Variants in FAM20C observed in about 807,000 individuals in gnomAD.
The protein encoded by FAM20C is FAM20C golgi associated secretory pathway kinase.
In FAM20C, 40 loss-of-function variants were observed where a neutral mutation model predicts 51.5. The ratio of observed to expected loss-of-function variants is 0.78; its 90% CI spans 0.60 to 1.01. The LOEUF (loss-of-function observed/expected upper bound fraction) is 1.01. Among genes scored for constraint, FAM20C ranks in the 50% least tolerant of loss-of-function variants. The pLI, the probability that FAM20C is intolerant of heterozygous loss-of-function variation, is 0.00. For missense variants in FAM20C, 861 were observed against 844.7 expected (o/e 1.02, Z -0.24); for synonymous variants, 406 against 380.6 (o/e 1.07, Z -0.78).
At chr7:223,670 G>T (rs1401312182) in intron 3 of FAM20C, among the ~76,000 whole-genome samples, 1 of 152,226 alleles carries the variant, frequency 6.6e-6, no homozygotes, top group Non-Finnish European at 1.5e-5. Flanking sequence ...GGGTCAGCCT[G>T]CAGCTGCAGT....
chr7:202,171 C>T (rs1376513984), intron 2 of FAM20C, among the ~76,000 whole-genome samples: 4 of 152,216 alleles, frequency 2.6e-5, no homozygotes, highest in Non-Finnish European at 5.9e-5. Context: ...AGGCAGTGGA[C>T]ATCTTCCCAT....
chr7:241,477 G>C (rs1000110256), intron 3 of FAM20C, among the ~76,000 whole-genome samples: 3 of 152,154 alleles, frequency 2.0e-5, no homozygotes, highest in African/African-American at 7.2e-5. Context: ...CTGCAAGGCT[G>C]TGCCAGGGAA....
chr7:213,821 G>A (rs1457033171), intron 3 of FAM20C, among the ~76,000 whole-genome samples: 12 of 152,172 alleles, frequency 7.9e-5, no homozygotes, highest in African/African-American at 1.9e-4. Flanking sequence ...CCTCGTCAGC[G>A]TGTGCTGTTG....
chr7:205,495 C>T (rs1786335658), intron 2 of FAM20C, among the ~76,000 whole-genome samples: 1 of 152,232 alleles, frequency 6.6e-6, no homozygotes, highest in Middle Eastern at 3.2e-3. Context: ...CTGCCTCAGC[C>T]TCCAAAAGTG....
At chr7:205,813 G>A (rs1786353242) in intron 2 of FAM20C, among the ~76,000 whole-genome samples, 1 of 151,960 alleles carries the variant, frequency 6.6e-6, no homozygotes, top group South Asian at 2.1e-4. Context: ...GTGTCCTCGG[G>A]AAGCATCCAC....
intron 3 of FAM20C, among the ~76,000 whole-genome samples, chr7:215,265 T>TGGGGCTGGGTGGGG (rs1786910800): frequency 1.1e-5 from 1 of 92,098 alleles, no homozygotes; most frequent in Non-Finnish European, 2.3e-5. Flanking sequence ...ATGGAGAGGA[T>TGGGGCTGGGTGGGG]GGAGCTGGGT....
intron 3 of FAM20C, among the ~76,000 whole-genome samples, chr7:213,488 G>T (rs992334314): frequency 6.6e-6 from 1 of 152,232 alleles, no homozygotes; most frequent in Non-Finnish European, 1.5e-5. Flanking sequence ...AACGCTCATC[G>T]GTGCTGCAGC....
At chr7:212,080 TTTC>T (rs1786746355) in intron 3 of FAM20C, among the ~76,000 whole-genome samples, 1 of 152,172 alleles carries the variant, frequency 6.6e-6, no homozygotes, top group Admixed American at 6.5e-5. Flanking sequence ...GGGATGATCG[TTTC>T]TTCTTCCGCA....
intron 3 of FAM20C, among the ~76,000 whole-genome samples, chr7:244,871 C>T (rs145752033): frequency 0.075 from 11,360 of 152,258 alleles, 781 homozygotes; most frequent in African/African-American, 0.19. Flanking sequence ...TTAAAAAGGC[C>T]GTGGGTGGTA....
At chr7:228,761 G>A (rs1206781967) in intron 3 of FAM20C, 1 of 456,142 alleles carries the variant, frequency 2.2e-6, no homozygotes, top group African/African-American at 2.0e-5. Flanking sequence ...TGACCTGACT[G>A]AACAGACGCC....
intron 9 of FAM20C, 79 bp from the exon 10 acceptor site, chr7:259,652 C>G (rs1006563632): frequency 2.2e-6 from 3 of 1,363,134 alleles, no homozygotes; most frequent in Non-Finnish European, 2.8e-6. Flanking sequence ...TCTCGATCTC[C>G]CTCTCACTTT....
chr7:252,479 C>T (rs751911749), intron 5 of FAM20C, among the ~76,000 whole-genome samples: 6 of 150,970 alleles, frequency 4.0e-5, no homozygotes, highest in East Asian at 2.0e-4. Context: ...GACACCCCCT[C>T]GGCCTCCCAA....
intron 6 of FAM20C, 131 bp from the exon 7 acceptor site, chr7:256,522 GC>G (rs1448284166): frequency 1.1e-5 from 8 of 717,254 alleles, no homozygotes; most frequent in Non-Finnish European, 1.9e-5. Context: ...CAGCCTCAGC[GC>G]CGCAGCCCGG....
At chr7:195,938 C>T (rs1785845755) in intron 2 of FAM20C, among the ~76,000 whole-genome samples, 1 of 152,214 alleles carries the variant, frequency 6.6e-6, no homozygotes, top group Admixed American at 6.5e-5. Flanking sequence ...TCCTGATCTG[C>T]CGCACGATGA....
At chr7:235,017 G>A (rs966088156) in intron 3 of FAM20C, among the ~76,000 whole-genome samples, 8 of 152,326 alleles carry the variant, frequency 5.3e-5, no homozygotes, top group African/African-American at 1.4e-4. Flanking sequence ...AATGGGCCCC[G>A]GGCCACTTGC....
At chr7:247,630 C>A (rs954881304) in intron 4 of FAM20C, among the ~76,000 whole-genome samples, 1 of 152,218 alleles carries the variant, frequency 6.6e-6, no homozygotes, top group African/African-American at 2.4e-5. Context: ...GATTTTCCAC[C>A]ATTTCAGCTA....
At position 193,590 on chromosome 7, in the gene FAM20C, C is replaced by A; in HGVS notation, c.391C>A (p.Pro131Thr). 6.5e-7 allele frequency: 1 copy of A among 1,535,928 alleles called. No homozygotes were observed. Residue 131 changes from proline to threonine, a missense_variant, in exon 1 of 10, where the codon CCC becomes ACC. Around this residue, in one of 3 missense-constraint regions of FAM20C, gnomAD observed 561 missense variants for 499.8 expected, o/e 1.12. Coordinates refer to ENST00000313766, the MANE Select transcript of FAM20C (RefSeq NM_020223.4). ...GGGGCGGGATCCCGGCGCCCTAAGA[C>A]CCCACGACCCCGCGCACCGGCCGCT... is the stretch of plus-strand genomic sequence containing the variant. ...LRGRDPGALR[P>T]HDPAHRPLLR...
In FAM20C at chr7:259,845, G is replaced by C; in HGVS notation, c.1620G>C (p.Gln540His). The C allele has an allele frequency of 6.5e-7, 1 of 1,536,500 alleles. No homozygotes were observed. Among genetic ancestry groups the C allele is most frequent in the South Asian group, 1.2e-5 (1 of 84,048 alleles). ...RGDQVAPVLY[Q>H]PHLEALDRRL... Reference sequence around the variant, plus strand: ...ACCAGGTGGCACCCGTGCTGTACCAGCCGCACCTGGAGGCCCTGGACCGGC... The same window carrying C: ...ACCAGGTGGCACCCGTGCTGTACCACCCGCACCTGGAGGCCCTGGACCGGC... The change falls in exon 10 of 10, where the codon CAG becomes CAC. Residue 540 changes from glutamine (Q) to histidine (H), a missense_variant. Coordinates refer to ENST00000313766, the MANE Select transcript of FAM20C (RefSeq NM_020223.4).
chr7:252,632 G>T (rs1788445413), intron 5 of FAM20C, among the ~76,000 whole-genome samples: 2 of 152,224 alleles, frequency 1.3e-5, no homozygotes, highest in Admixed American at 1.3e-4. Context: ...AATCCCATCA[G>T]CCAGGAACAA....
Sources: allele counts gnomAD v4.1 joint callset (sites outside exome capture counted in the v4.1 genomes callset), GRCh38; gene constraint gnomAD v4.1.1; regional missense constraint gnomAD v4.1.1; transcripts MANE v1.5; gene names NCBI Gene and HGNC (gene_info 2026-07-23, HGNC 2026-07-21).